Variants in EDEM2 observed in about 807,000 individuals in gnomAD.
The protein encoded by EDEM2 is ER degradation enhancing alpha-mannosidase like protein 2, also known as ER degradation-enhancing alpha-mannosidase-like protein 2.
A neutral mutation model predicts 64.8 loss-of-function variants in EDEM2; 39 were observed. That is an observed-to-expected ratio of 0.60 (90% confidence interval 0.47 to 0.79). The LOEUF (loss-of-function observed/expected upper bound fraction) is 0.79. Ranked by LOEUF, EDEM2 falls within the 30% of genes least tolerant of loss-of-function variation. EDEM2 has a pLI of 0.00. For missense variants in EDEM2, 609 were observed against 731.3 expected (o/e 0.83, Z 1.93); for synonymous variants, 296 against 291.5 (o/e 1.02, Z -0.16).
intron 5 of EDEM2, 57 bp downstream of exon 5, chr20:35,137,823 C>A: frequency 6.3e-7 from 1 of 1,584,114 alleles, no homozygotes; most frequent in Non-Finnish European, 8.6e-7. Context: ...TCATCTTCAG[C>A]AAGGGAAGCA....
intron 2 of EDEM2, among the ~76,000 whole-genome samples, chr20:35,146,603 C>T (rs904409227): frequency 2.6e-5 from 4 of 152,290 alleles, no homozygotes; most frequent in African/African-American, 9.6e-5. Context: ...CTGAGCTCAG[C>T]GATCCAGCCC....
chr20:35,146,854 G>A lies in EDEM2; in HGVS notation c.189C>T (p.Leu63=), dbSNP rs1175944446. ...NAFPFDELRP[L]TCDGHDTWGS... ...CCCAGGTGTCGTGCCCGTCACAGGTGAGAGGTCGCAGCTCATCGAAGGGAA... is the reference window on the plus strand; with the variant it reads ...CCCAGGTGTCGTGCCCGTCACAGGTAAGAGGTCGCAGCTCATCGAAGGGAA... Residue 63 remains leucine, a synonymous_variant, in exon 2 of 11, where the codon CTC becomes CTT. Transcript: ENST00000374492. 15 of 1,614,042 alleles carry A rather than the reference G, an allele frequency of 9.3e-6. No homozygotes were observed. Among genetic ancestry groups the A allele is most frequent in the African/African-American group, 1.3e-5 (1 of 74,938 alleles).
chr20:35,141,357 A>C (rs1397489576), intron 4 of EDEM2, among the ~76,000 whole-genome samples: 2 of 152,194 alleles, frequency 1.3e-5, no homozygotes, highest in Non-Finnish European at 2.9e-5. Context: ...CAACCAAAAG[A>C]AAGCTGGTAT....
rs763835910 is a variant in EDEM2, at chr20:35,145,022, CA to C, written c.219-5del. On this transcript the variant is annotated splice_region_variant and splice_polypyrimidine_tract_variant and intron_variant, in intron 2 of 10. Transcript: ENST00000374492. ...ATCAATTAGAGTCAGAGAAAAACTG[CA>C]AAAGGACAGAAATCCCAGCCGCTTA... 6.2e-7 allele frequency: 1 copy of C among 1,613,892 alleles called. No homozygotes were observed.
At chr20:35,121,071 G>A (rs555447097) in intron 9 of EDEM2, among the ~76,000 whole-genome samples, 1 of 152,332 alleles carries the variant, frequency 6.6e-6, no homozygotes, top group Non-Finnish European at 1.5e-5. Flanking sequence ...CAGTTTCATG[G>A]AAGACAATTT....
intron 6 of EDEM2, among the ~76,000 whole-genome samples, chr20:35,133,696 A>G (rs1251295728): frequency 6.6e-6 from 1 of 151,948 alleles, no homozygotes; most frequent in African/African-American, 2.4e-5. Context: ...CGAACTCCCA[A>G]TCTCAGGTGA....
chr20:35,131,881 A>G, intron 6 of EDEM2, 98 bp from the exon 7 acceptor site: 1 of 1,439,594 alleles, frequency 6.9e-7, no homozygotes, highest in South Asian at 1.3e-5. Context: ...GATGCAGGGC[A>G]GGTGCCCCAG....
rs112360384 is a variant in EDEM2, at chr20:35,124,096, TAAGAA to T, written c.970-67_970-63del. On this transcript the variant is annotated intron_variant, in intron 8 of 10. Coordinates refer to ENST00000374492, the MANE Select transcript of EDEM2 (RefSeq NM_018217.3). ...AGGCATAAAACCCCACAGACAACCT[TAAGAA>T]AAGACAAAGTAAAATCTGTGGGGCC... The T allele has an allele frequency of 1.5e-5, 24 of 1,567,098 alleles. 1 individual carries two copies. The highest frequency in any genetic ancestry group is 1.4e-4 in the African/African-American group (10 of 73,656).
chr20:35,131,864 C>A, intron 6 of EDEM2, 81 bp from the exon 7 acceptor site: 1 of 1,524,290 alleles, frequency 6.6e-7, no homozygotes. Context: ...CCCTGACTGC[C>A]CAGGGAGATG....
At chr20:35,122,268 C>G (rs1234790637) in intron 9 of EDEM2, among the ~76,000 whole-genome samples, 1 of 152,208 alleles carries the variant, frequency 6.6e-6, no homozygotes, top group Admixed American at 6.5e-5. Context: ...CCCTCTAACC[C>G]TAAGATTGTG....
At chr20:35,117,921 G>GA (rs571098287) in intron 10 of EDEM2, among the ~76,000 whole-genome samples, 10 of 151,068 alleles carry the variant, frequency 6.6e-5, no homozygotes, top group African/African-American at 1.9e-4. Flanking sequence ...ATTCCAAGTA[G>GA]AAAAAAAAAC....
chr20:35,134,805 G>A lies in EDEM2; in HGVS notation c.635C>T (p.Pro212Leu), dbSNP rs759514733. The change falls in exon 6 of 11, where the codon CCG becomes CTG. Residue 212 changes from proline (P) to leucine (L), a missense_variant. Pro to Leu is a moderately conservative substitution (Grantham distance 98). Transcript: ENST00000374492. ...FATLSSLTGD[P>L]VFEDVARVAL... is the part of the protein sequence containing the mutation. ...CACTCTGGCCACATCTTCGAACACC[G>A]GGTCACCAGTGAGGCTGCTCAGGGT... 9.9e-6 allele frequency: 16 copies of A among 1,614,006 alleles called. No individual in the cohort carries two copies. In the South Asian group the frequency reaches 1.4e-4, roughly 14 times the overall value.
At chr20:35,125,806 C>T (rs2085425503) in intron 8 of EDEM2, among the ~76,000 whole-genome samples, 2 of 152,124 alleles carry the variant, frequency 1.3e-5, no homozygotes, top group Non-Finnish European at 2.9e-5. Context: ...TTTTGGAACA[C>T]CAAAGTGGGG....
At chr20:35,131,341 C>T (rs111927612) in intron 7 of EDEM2, among the ~76,000 whole-genome samples, 8,612 of 152,098 alleles carry the variant, frequency 0.057, 821 homozygotes, top group African/African-American at 0.2. Flanking sequence ...ACCTGAGGTC[C>T]GGAGTTTGAG....
chr20:35,147,053 C>T, intron 1 of EDEM2, 99 bp downstream of exon 1: 1 of 1,543,480 alleles, frequency 6.5e-7, no homozygotes, highest in Non-Finnish European at 8.8e-7. Context: ...GACCTAGCGG[C>T]TGTGTCGGAG....
chr20:35,124,808 G>T (rs1418600861), intron 8 of EDEM2, among the ~76,000 whole-genome samples: 2 of 152,104 alleles, frequency 1.3e-5, no homozygotes, highest in Non-Finnish European at 2.9e-5. Flanking sequence ...TTTAGATATG[G>T]AAATTTGGCT....
intron 3 of EDEM2, among the ~76,000 whole-genome samples, chr20:35,144,495 G>A (rs1294895697): frequency 1.3e-5 from 2 of 151,896 alleles, no homozygotes; most frequent in Non-Finnish European, 2.9e-5. Context: ...CACTATGCTG[G>A]GCTAATTTTT....
intron 6 of EDEM2, among the ~76,000 whole-genome samples, chr20:35,133,411 G>T (rs2085532938): frequency 6.6e-6 from 1 of 152,020 alleles, no homozygotes; most frequent in Admixed American, 6.6e-5. Context: ...TCCCACTGCT[G>T]GAGCAAAACC....
At chr20:35,125,940 T>A (rs534155414) in intron 8 of EDEM2, among the ~76,000 whole-genome samples, 90 of 151,952 alleles carry the variant, frequency 5.9e-4, no homozygotes, top group Non-Finnish European at 1.1e-3. Context: ...CTGTCAAGAA[T>A]GAGATTGGAC....
Sources: gnomAD v4.1 joint callset for allele counts (sites outside exome capture counted in the v4.1 genomes callset) on GRCh38, gnomAD v4.1.1 for gene constraint, MANE v1.5 for transcripts, NCBI Gene and HGNC (gene_info 2026-07-23, HGNC 2026-07-21) for gene names.